The following ITPKA variants were observed in gnomAD, a reference collection of about 807,000 sequenced individuals.
ITPKA encodes the protein inositol-trisphosphate 3-kinase A, also known as IP3 3-kinase A.
Under a neutral mutation model 40.7 loss-of-function variants are expected in ITPKA, and 16 were observed. That is an observed-to-expected ratio of 0.39 (90% CI 0.27 to 0.60). The LOEUF (loss-of-function observed/expected upper bound fraction) is 0.60, where lower values mean the gene tolerates loss of function less well. Among genes scored for constraint, ITPKA ranks in the 20% least tolerant of loss-of-function variants. The pLI is 0.50. For synonymous variants in ITPKA, 313 were observed against 289.9 expected, an observed-to-expected ratio of 1.08 and a Z score of -0.81; for missense variants, 540 against 649.3, an observed-to-expected ratio of 0.83 and a Z score of 1.83.
rs2051116333 is a variant in ITPKA at position 41,502,004 on chromosome 15, C to T, written c.811C>T (p.Leu271=). 6 of 1,613,004 alleles carry T rather than the reference C, an allele frequency of 3.7e-6. No homozygotes were observed. The highest frequency in any genetic ancestry group is 5.1e-6 in the Non-Finnish European group (6 of 1,179,804). Residue 271 remains leucine, a synonymous_variant, in exon 4 of 7, where the codon CTA becomes TTA. Transcript: ENST00000260386. ...CTGCCTGCGCCCCCACAGGACTTACCTAGAGGAGGAGCTGACCAAGGCCCG... is the reference window on the plus strand; with the variant it reads ...CTGCCTGCGCCCCCACAGGACTTACTTAGAGGAGGAGCTGACCAAGGCCCG... The part of the protein sequence containing the change: ...LDCKMGVRTY[L]EEELTKARER...
At chr15:41,501,246 A>G in intron 1 of ITPKA, 4 of 888,756 alleles carry the variant, frequency 4.5e-6, no homozygotes, top group Non-Finnish European at 5.4e-6. Context: ...TTGACAGCTC[A>G]CTGGAGACGC....
Position 41,503,168 on chromosome 15 carries a change from G to C in ITPKA, c.*2G>C. 6.3e-7 allele frequency: 1 copy of C among 1,575,802 alleles called. No individual in the cohort carries two copies. The highest frequency in any genetic ancestry group is 8.7e-7 in the Non-Finnish European group (1 of 1,153,488). ...CTGGCCAGCCTGGCTGAGAGATGAG[G>C]CTGGACTCCTGTCCCCGCGGGCCGC... On this transcript the variant is annotated 3_prime_UTR_variant, in exon 7 of 7. Coordinates refer to ENST00000260386, the MANE Select transcript of ITPKA (RefSeq NM_002220.3).
In ITPKA at chr15:41,501,528, C is replaced by G; in HGVS notation, c.555C>G (p.Arg185=). Residue 185 remains arginine (R), a synonymous_variant, in exon 2 of 7, where the codon CGC becomes CGG. Transcript: ENST00000260386. ...NLPVISPFKK[R]YAWVQLAGHT... ...CGGTCATAAGCCCTTTCAAGAAGCG[C>G]TACGCCTGGGTGCAGCTGGCAGGGC... is the stretch of plus-strand genomic sequence containing the variant. 1.3e-6 allele frequency: 2 copies of G among 1,590,622 alleles called. No homozygotes were observed. Among genetic ancestry groups the G allele is most frequent in the Middle Eastern group, 1.7e-4 (1 of 5,766 alleles).
At position 41,501,619 on chromosome 15, in the gene ITPKA, G is replaced by C. The variant is rs749242746; in HGVS notation, c.587-16G>C. ...CGGGAAGGGGCTGGGCGGCGCTGAC[G>C]GATGCCGGTCCTCAGGGAGTTTTAA... On this transcript the variant is annotated splice_polypyrimidine_tract_variant and intron_variant, in intron 2 of 6. Coordinates refer to ENST00000260386, the MANE Select transcript of ITPKA (RefSeq NM_002220.3). 2 of 1,597,712 alleles carry C rather than the reference G, an allele frequency of 1.3e-6. No individual in the cohort carries two copies. Among genetic ancestry groups the C allele is most frequent in the South Asian group, 2.3e-5 (2 of 88,872 alleles).
rs994503767 is a variant in ITPKA at position 41,503,318 on chromosome 15, C to T, written c.*152C>T. ...AGGTGCCAGCCACTAAGGGGGGGCACCGCCGATGCCAGGGGTTTTGCCCAC... is the reference window on the plus strand; with the variant it reads ...AGGTGCCAGCCACTAAGGGGGGGCATCGCCGATGCCAGGGGTTTTGCCCAC... On this transcript the variant is annotated 3_prime_UTR_variant, in exon 7 of 7. Transcript: ENST00000260386. 6.3e-6 allele frequency: 4 copies of T among 639,862 alleles called. No homozygotes were observed. Among genetic ancestry groups the T allele is most frequent in the Non-Finnish European group, 1.1e-5 (4 of 372,746 alleles). The allele number at this position is 639,862 out of a possible 1,614,324, so 39.6% of individuals were successfully genotyped here. A position where few individuals can be genotyped will look rare whatever the true frequency, so the allele number is the denominator to read the frequency against.
Position 41,494,154 on chromosome 15 carries a change from C to T in ITPKA, c.227C>T (p.Ala76Val), listed in dbSNP as rs2051053039. Residue 76 changes from alanine to valine, a missense_variant, in exon 1 of 7, where the codon GCC becomes GTC. By Grantham distance (64) the Ala-to-Val change is moderately conservative. Transcript: ENST00000260386. The surrounding 1 kb of genome is among the most constrained non-coding windows in gnomAD (Gnocchi z 7.8). ...AACGGGCTTCCGCGGGCTCCCCCGG[C>T]CCCGGTGATCCCTCAGCTGACCGTG... Reference protein sequence around the residue: ...VPNGLPRAPPAPVIPQLTVTA... With the variant: ...VPNGLPRAPPVPVIPQLTVTA... The T allele has an allele frequency of 6.8e-7, 1 of 1,475,306 alleles. No homozygotes were observed. Among genetic ancestry groups the T allele is most frequent in the South Asian group, 1.3e-5 (1 of 78,476 alleles). 91.4% of individuals were successfully genotyped at this position (1,475,306 alleles called of 1,614,324 possible).
chr15:41,498,662 C>T (rs2051090044), intron 1 of ITPKA, among the ~76,000 whole-genome samples: 1 of 152,212 alleles, frequency 6.6e-6, no homozygotes, highest in African/African-American at 2.4e-5. Context: ...GTCCCTACAG[C>T]CATTAAACTC....
In ITPKA at chr15:41,493,883, C is replaced by A. The variant is rs1165484541; in HGVS notation, c.-45C>A. On this transcript the variant is annotated 5_prime_UTR_variant, in exon 1 of 7. Coordinates refer to ENST00000260386, the MANE Select transcript of ITPKA (RefSeq NM_002220.3). ...GGCGCCGAGCCGCTCCAGTCCCCGG[C>A]GCGCCGCGGGCTGGTGGGCTCAGCG... is the stretch of plus-strand genomic sequence containing the variant. 1 of 995,534 alleles carries A rather than the reference C, an allele frequency of 1.0e-6. No homozygotes were observed. The highest frequency in any genetic ancestry group is 1.2e-6 in the Non-Finnish European group (1 of 838,058). The allele number at this position is 995,534 out of a possible 1,614,324, so 61.7% of individuals were successfully genotyped here. A position where few individuals can be genotyped will look rare whatever the true frequency, so the allele number is the denominator to read the frequency against.
In ITPKA at chr15:41,494,035, G is replaced by A; in HGVS notation, c.108G>A (p.Leu36=). Residue 36 remains leucine (L), a synonymous_variant, in exon 1 of 7, where the codon CTG becomes CTA. Transcript: ENST00000260386. This position sits in a 1 kb window ranked among gnomAD's most constrained non-coding sequence, Gnocchi z 7.8. ...APRRSVGELR[L]LFEARCAAVA... Reference sequence around the variant, plus strand: ...GCCGGAGTGTCGGGGAGCTGCGCCTGCTCTTCGAGGCGCGCTGTGCGGCGG... The same window carrying A: ...GCCGGAGTGTCGGGGAGCTGCGCCTACTCTTCGAGGCGCGCTGTGCGGCGG... 1.7e-6 allele frequency: 2 copies of A among 1,206,898 alleles called. No homozygotes were observed. The highest frequency in any genetic ancestry group is 2.1e-6 in the Non-Finnish European group (2 of 972,868). 74.8% of individuals were successfully genotyped at this position (1,206,898 alleles called of 1,614,324 possible). A position where few individuals can be genotyped will look rare whatever the true frequency, so the allele number is the denominator to read the frequency against.
chr15:41,499,871 CAAAAACA>C (rs574765571), intron 1 of ITPKA, among the ~76,000 whole-genome samples: 373 of 152,206 alleles, frequency 2.5e-3, no homozygotes, highest in African/African-American at 5.1e-3. Context: ...ACCAAAAAAA[CAAAAACA>C]AAAAACAAAA....
chr15:41,497,418 G>C (rs1402363375), intron 1 of ITPKA, among the ~76,000 whole-genome samples: 1 of 152,162 alleles, frequency 6.6e-6, no homozygotes, highest in Non-Finnish European at 1.5e-5. Flanking sequence ...AATAGAGATG[G>C]GGTTTCACCA....
Position 41,503,375 on chromosome 15 carries a change from A to C in ITPKA, c.*209A>C, listed in dbSNP as rs886096130. 2 of 596,856 alleles carry C rather than the reference A, an allele frequency of 3.4e-6. No homozygotes were observed. The highest frequency in any genetic ancestry group is 6.0e-6 in the Non-Finnish European group (2 of 334,580). The allele number at this position is 596,856 out of a possible 1,614,324, so 37.0% of individuals were successfully genotyped here. On this transcript the variant is annotated 3_prime_UTR_variant, in exon 7 of 7. Transcript: ENST00000260386. ...CCCAGCGTTCCCAGAGCCAAATGAC[A>C]CTAACTTATAGAAGGGGAGGGGGCA...
chr15:41,499,383 A>G (rs1296231970), intron 1 of ITPKA, among the ~76,000 whole-genome samples: 1 of 152,216 alleles, frequency 6.6e-6, no homozygotes, highest in Non-Finnish European at 1.5e-5. Context: ...CCTGACATGC[A>G]ATAGGCAGGT....
At chr15:41,500,933 C>A (rs1045412173) in intron 1 of ITPKA, among the ~76,000 whole-genome samples, 6 of 147,614 alleles carry the variant, frequency 4.1e-5, no homozygotes. Context: ...CGCCTGAACC[C>A]GGGAGGTAGA....
rs1204162482 is a variant in ITPKA, at chr15:41,494,694, C to T, written c.489+278C>T. ...GACCCGCCGCGGGGACTGGGCGAAG[C>T]GGGGGTAGCGGACCTTGTTGGCTGT... On this transcript the variant is annotated intron_variant, in intron 1 of 6. Transcript: ENST00000260386. The surrounding 1 kb of genome is among the most constrained non-coding windows in gnomAD (Gnocchi z 7.8). Among the ~76,000 whole-genome samples the T allele has an allele frequency of 6.6e-6, 1 of 152,218 alleles. No individual in the cohort carries two copies. Among genetic ancestry groups the T allele is most frequent in the African/African-American group, 2.4e-5 (1 of 41,450 alleles).
chr15:41,496,468 C>A (rs2051072834), intron 1 of ITPKA, among the ~76,000 whole-genome samples: 1 of 152,192 alleles, frequency 6.6e-6, no homozygotes. Flanking sequence ...GGCAGCCTCA[C>A]TCCGGCAGAG....
At chr15:41,499,693 G>A (rs1322589693) in intron 1 of ITPKA, among the ~76,000 whole-genome samples, 1 of 152,138 alleles carries the variant, frequency 6.6e-6, no homozygotes, top group Non-Finnish European at 1.5e-5. Context: ...GTGTAACTGT[G>A]CTAAAAGGCA....
chr15:41,498,012 C>T (rs1261565527), intron 1 of ITPKA, among the ~76,000 whole-genome samples: 4 of 152,004 alleles, frequency 2.6e-5, no homozygotes, highest in African/African-American at 4.8e-5. Context: ...ATTAGCCAGG[C>T]GTTGGTGGTG....
chr15:41,502,642 C>T, intron 5 of ITPKA, 139 bp downstream of exon 5: 1 of 959,456 alleles, frequency 1.0e-6, no homozygotes, highest in South Asian at 1.6e-5. Context: ...ACGCTCCTTC[C>T]CTTCTGGGCC....
Sources: allele counts gnomAD v4.1 joint callset (sites outside exome capture counted in the v4.1 genomes callset), GRCh38; gene constraint gnomAD v4.1.1; non-coding constraint Gnocchi (gnomAD v3.1); transcripts MANE v1.5; gene names NCBI Gene and HGNC (gene_info 2026-07-23, HGNC 2026-07-21).